COPRS: variants seen among roughly 807,000 people sequenced by gnomAD.
The protein encoded by COPRS is coordinator of PRMT5 and differentiation stimulator, also known as cooperator of PRMT5.
A neutral mutation model predicts 19.9 loss-of-function variants in COPRS; 11 were observed. The ratio of observed to expected loss-of-function variants is 0.55; its 90% confidence interval spans 0.35 to 0.92. COPRS has a LOEUF of 0.92. Among genes scored for constraint, COPRS ranks in the 40% least tolerant of loss-of-function variants. COPRS has a pLI of 0.01. For synonymous variants in COPRS, 81 were observed against 82.7 expected (o/e 0.98, Z 0.11); for missense variants, 225 against 229.9 (o/e 0.98, Z 0.14).
At chr17:31,854,358 A>C (rs1909262352) in intron 2 of COPRS, among the ~76,000 whole-genome samples, 1 of 48,970 alleles carries the variant, frequency 2.0e-5, no homozygotes, top group African/African-American at 8.5e-5. Context: ...CTGTCTCCAA[A>C]AAAAAAAAAA....
At chr17:31,853,528 C>T (rs954250796) in intron 2 of COPRS, among the ~76,000 whole-genome samples, 4 of 152,042 alleles carry the variant, frequency 2.6e-5, no homozygotes, top group Non-Finnish European at 4.4e-5. Context: ...TACAAGCGCC[C>T]GCCACCACGC....
intron 2 of COPRS, 47 bp downstream of exon 2, chr17:31,856,752 C>T: frequency 8.8e-7 from 1 of 1,136,736 alleles, no homozygotes; most frequent in Non-Finnish European, 1.3e-6. Context: ...CTATTCCTCT[C>T]CTCACATCCT....
In COPRS at chr17:31,858,035, T is replaced by C. The variant is rs569480675; in HGVS notation, c.99+1066A>G. 2.2e-4 allele frequency among the ~76,000 whole-genome samples: 34 copies of C among 152,260 alleles called. 1 individual carries two copies. In the South Asian group the frequency reaches 4.8e-3, roughly 21 times the overall value. ...CCACTGCCACGGCCTCCTAACCACC[T>C]TCCCATCCAGCCATCTGGCCCAGCC... is the stretch of plus-strand genomic sequence containing the variant. On this transcript the variant is annotated intron_variant, in intron 1 of 3. Coordinates refer to ENST00000302362, the MANE Select transcript of COPRS (RefSeq NM_018405.4).
Position 31,852,033 on chromosome 17 carries a change from A to C in COPRS, c.*106T>G. ...AACACTGGTCTGTGTACCCCAGACT[A>C]GGGGTCACTGCAAACATTTTCTCAG... On this transcript the variant is annotated 3_prime_UTR_variant, in exon 4 of 4. Coordinates refer to ENST00000302362, the MANE Select transcript of COPRS (RefSeq NM_018405.4). 7.7e-7 allele frequency: 1 copy of C among 1,290,736 alleles called. No individual in the cohort carries two copies. The highest frequency in any genetic ancestry group is 1.1e-6 in the Non-Finnish European group (1 of 905,912). The allele number at this position is 1,290,736 out of a possible 1,614,324, so 80.0% of individuals were successfully genotyped here.
chr17:31,857,866 A>G (rs866801156), intron 1 of COPRS, among the ~76,000 whole-genome samples: 1 of 152,200 alleles, frequency 6.6e-6, no homozygotes, highest in Non-Finnish European at 1.5e-5. Context: ...CTTTTCTGCT[A>G]CATCTAAACT....
chr17:31,854,920 C>T (rs1372870673), intron 2 of COPRS, among the ~76,000 whole-genome samples: 1 of 152,142 alleles, frequency 6.6e-6, no homozygotes, highest in Non-Finnish European at 1.5e-5. Context: ...CACAACACTG[C>T]CATTGTGCTA....
intron 1 of COPRS, among the ~76,000 whole-genome samples, 181 bp from the exon 2 acceptor site, chr17:31,857,046 C>T (rs960226743): frequency 2.0e-5 from 3 of 152,148 alleles, no homozygotes; most frequent in Non-Finnish European, 4.4e-5. Context: ...GGAGATGGGC[C>T]TTGTTCCTTC....
rs1598087412 is a variant in COPRS at position 31,859,188 on chromosome 17, C to G, written c.12G>C (p.Gln4His). MDL[Q>H]AAGAQAQGAA... ...CCCCCTGCGCCTGGGCCCCGGCGGC[C>G]TGAAGGTCCATGCCCTGCGGCCCGC... The change falls in exon 1 of 4, where the codon CAG (glutamine) becomes CAC (histidine). Residue 4 changes from glutamine to histidine, a missense_variant. Gln to His is a conservative substitution (Grantham distance 24, BLOSUM62 0). Transcript: ENST00000302362. 1 of 1,058,204 alleles carries G rather than the reference C, an allele frequency of 9.4e-7. No individual in the cohort carries two copies. Among genetic ancestry groups the G allele is most frequent in the East Asian group, 7.2e-5 (1 of 13,900 alleles). 65.6% of individuals were successfully genotyped at this position (1,058,204 alleles called of 1,614,324 possible). A position where few individuals can be genotyped will look rare whatever the true frequency, so the allele number is the denominator to read the frequency against.
At chr17:31,853,088 C>A (rs1567768787) in intron 2 of COPRS, 58 bp from the exon 3 acceptor site, 1 of 1,350,804 alleles carries the variant, frequency 7.4e-7, no homozygotes, top group Non-Finnish European at 1.1e-6. Flanking sequence ...CTGCTCTGTG[C>A]TCAGTAAATT....
chr17:31,853,631 C>T (rs1037279586), intron 2 of COPRS, among the ~76,000 whole-genome samples: 3 of 152,136 alleles, frequency 2.0e-5, no homozygotes, highest in East Asian at 1.9e-4. Context: ...CCACCCGCCT[C>T]GGCCTCCCAA....
In COPRS at chr17:31,852,209, G is replaced by A. The variant is rs757869909; in HGVS notation, c.485C>T (p.Pro162Leu). 27 of 1,614,012 alleles carry A rather than the reference G, an allele frequency of 1.7e-5. No homozygotes were observed. Among genetic ancestry groups the A allele is most frequent in the East Asian group, 4.5e-5 (2 of 44,890 alleles). The change falls in exon 4 of 4, where the codon CCG becomes CTG. Residue 162 changes from proline to leucine, a missense_variant. Physicochemically the swap from Pro to Leu is moderately conservative, Grantham distance 98. Transcript: ENST00000302362. ...GGAATAATAGGGTATCAGTGGAGGC[G>A]GATGGTGCCAGCTGGGGTCATAGAT... ...DMIYDPSWHH[P>L]PPLIPYYSKM...
chr17:31,856,474 GAA>G (rs961971217), intron 2 of COPRS: 20 of 350,830 alleles, frequency 5.7e-5, no homozygotes, highest in African/African-American at 4.2e-4. Context: ...TATATAGGAG[GAA>G]AAAAAAGCAG....
At chr17:31,853,770 A>C (rs997338544) in intron 2 of COPRS, among the ~76,000 whole-genome samples, 2 of 152,188 alleles carry the variant, frequency 1.3e-5, no homozygotes, top group Non-Finnish European at 2.9e-5. Context: ...TGCAGGCAGA[A>C]GACCAGAACC....
intron 2 of COPRS, chr17:31,856,506 C>A: frequency 2.5e-6 from 1 of 400,968 alleles, no homozygotes; most frequent in Non-Finnish European, 4.5e-6. Context: ...TCCATTGGGG[C>A]GGGGGGGTCT....
chr17:31,858,334 T>C (rs906518743), intron 1 of COPRS: 1 of 983,112 alleles, frequency 1.0e-6, no homozygotes, highest in African/African-American at 1.7e-5. Context: ...TCCAAAGTAA[T>C]TTTCTTTGTA....
At chr17:31,855,130 C>T (rs1909293780) in intron 2 of COPRS, among the ~76,000 whole-genome samples, 1 of 151,990 alleles carries the variant, frequency 6.6e-6, no homozygotes, top group Admixed American at 6.6e-5. Flanking sequence ...AATCCCAGCA[C>T]TTTGGGAGGC....
chr17:31,855,501 AAAATAAAT>A (rs201832910), intron 2 of COPRS, among the ~76,000 whole-genome samples: 3 of 151,406 alleles, frequency 2.0e-5, no homozygotes, highest in Non-Finnish European at 2.9e-5. Context: ...TCCGTCTCAA[AAAATAAAT>A]AAATAAATAA....
chr17:31,855,093 A>AT (rs752129030), intron 2 of COPRS, among the ~76,000 whole-genome samples: 158 of 152,190 alleles, frequency 1.0e-3, no homozygotes, highest in Admixed American at 2.9e-3. Flanking sequence ...AGAAAAAAAA[A>AT]GGCCAGGCAC....
intron 2 of COPRS, among the ~76,000 whole-genome samples, chr17:31,854,154 A>T (rs1335267644): frequency 6.6e-6 from 1 of 151,982 alleles, no homozygotes; most frequent in Non-Finnish European, 1.5e-5. Context: ...GGACTGCTTG[A>T]GCTCAGGAGT....
Sources: allele counts gnomAD v4.1 joint callset (sites outside exome capture counted in the v4.1 genomes callset), GRCh38; gene constraint gnomAD v4.1.1; transcripts MANE v1.5; gene names NCBI Gene and HGNC (gene_info 2026-07-23, HGNC 2026-07-21).